PARD3B: variants seen among roughly 807,000 people sequenced by gnomAD.
PARD3B encodes the protein partitioning defective 3 homolog B.
A neutral mutation model predicts 130.2 loss-of-function variants in PARD3B; 103 were observed. That is an observed-to-expected ratio of 0.79 (90% CI 0.67 to 0.93). PARD3B has a LOEUF of 0.93. PARD3B is among the 40% of genes least tolerant of loss of function. The pLI is 0.00. For missense variants in PARD3B, 1,609 were observed against 1,499.2 expected, an observed-to-expected ratio of 1.07 and a Z score of -1.21; for synonymous variants, 583 against 553.2, an observed-to-expected ratio of 1.05 and a Z score of -0.76.
At chr2:205,131,846 A>G (rs1393311778) in intron 10 of PARD3B, among the ~76,000 whole-genome samples, 1 of 152,162 alleles carries the variant, frequency 6.6e-6, no homozygotes, top group Non-Finnish European at 1.5e-5. Context: ...TTGGAGGGGA[A>G]AAAAGATGTT....
At chr2:205,129,594 T>C (rs1317003037) in intron 10 of PARD3B, among the ~76,000 whole-genome samples, 2 of 151,826 alleles carry the variant, frequency 1.3e-5, no homozygotes, top group Non-Finnish European at 2.9e-5. Flanking sequence ...TTCTATCTCC[T>C]TTGAGGAAAA....
chr2:205,069,324 G>A (rs1040771700), intron 4 of PARD3B, among the ~76,000 whole-genome samples: 4 of 151,598 alleles, frequency 2.6e-5, no homozygotes, highest in African/African-American at 9.7e-5. Context: ...TCTCAGTGTG[G>A]TTTTACCATA....
At chr2:205,567,995 A>G (rs1175289110) in intron 22 of PARD3B, among the ~76,000 whole-genome samples, 1 of 152,110 alleles carries the variant, frequency 6.6e-6, no homozygotes, top group Non-Finnish European at 1.5e-5. Context: ...TTTTGGTCCC[A>G]TTTGTCATTG....
intron 3 of PARD3B, among the ~76,000 whole-genome samples, chr2:204,997,480 A>G (rs543904539): frequency 4.6e-5 from 7 of 152,290 alleles, no homozygotes; most frequent in South Asian, 2.1e-4. Context: ...ATCTATTCCT[A>G]AGTACCTGAT....
chr2:205,574,693 A>G (rs1212427404), intron 22 of PARD3B, among the ~76,000 whole-genome samples: 1 of 152,114 alleles, frequency 6.6e-6, no homozygotes, highest in Non-Finnish European at 1.5e-5. Context: ...AGCAGGAGAC[A>G]AAGCCCTTCC....
At chr2:205,224,937 A>G (rs1241739064) in intron 15 of PARD3B, among the ~76,000 whole-genome samples, 1 of 151,962 alleles carries the variant, frequency 6.6e-6, no homozygotes, top group African/African-American at 2.4e-5. Context: ...ATTTTTTATT[A>G]TACTTTAAGT....
chr2:205,071,879 TA>T (rs892441363), intron 4 of PARD3B, among the ~76,000 whole-genome samples: 10 of 151,764 alleles, frequency 6.6e-5, no homozygotes, highest in African/African-American at 2.2e-4. Flanking sequence ...AATTTTATCT[TA>T]AAAAAAACAA....
At chr2:205,504,168 G>A (rs923612672) in intron 21 of PARD3B, among the ~76,000 whole-genome samples, 9 of 152,168 alleles carry the variant, frequency 5.9e-5, no homozygotes, top group Admixed American at 3.9e-4. Context: ...AATAAATGGT[G>A]CTGGGAAAAC....
chr2:205,474,586 A>T (rs1246520855), intron 20 of PARD3B, among the ~76,000 whole-genome samples: 1 of 152,120 alleles, frequency 6.6e-6, no homozygotes, highest in Non-Finnish European at 1.5e-5. Flanking sequence ...GATGTTTCAG[A>T]GTTTTCAGTG....
At chr2:205,485,634 C>A (rs973040537) in intron 20 of PARD3B, among the ~76,000 whole-genome samples, 1 of 152,166 alleles carries the variant, frequency 6.6e-6, no homozygotes, top group Non-Finnish European at 1.5e-5. Flanking sequence ...GCCCTACTTG[C>A]AATTCTTCAG....
chr2:205,227,803 C>T (rs2038636867), intron 15 of PARD3B, among the ~76,000 whole-genome samples: 1 of 151,978 alleles, frequency 6.6e-6, no homozygotes, highest in East Asian at 1.9e-4. Flanking sequence ...CAGTGATTTT[C>T]TCTGGTGGTA....
chr2:204,861,335 T>A (rs1434252890), intron 2 of PARD3B, among the ~76,000 whole-genome samples: 1 of 152,144 alleles, frequency 6.6e-6, no homozygotes, highest in African/African-American at 2.4e-5. Flanking sequence ...TCTAAAATAA[T>A]TAATTTAACA....
chr2:205,407,052 T>G lies in PARD3B; in HGVS notation c.2741+5929T>G, dbSNP rs2046438143. Among the ~76,000 whole-genome samples the G allele has an allele frequency of 6.6e-6, 1 of 152,198 alleles. No homozygotes were observed. The highest frequency in any genetic ancestry group is 2.1e-4 in the South Asian group (1 of 4,828). ...TATTCCAGTATGAGAAATATCTAAA[T>G]ATCTTAAGTATGGAAGCATTTACTT... On this transcript the variant is annotated intron_variant, in intron 19 of 22. Coordinates refer to ENST00000406610, the MANE Select transcript of PARD3B (RefSeq NM_001302769.2). This position sits in a 1 kb window ranked among gnomAD's most constrained non-coding sequence, Gnocchi z 4.1.
In PARD3B at chr2:205,091,709, G is replaced by T. The variant is rs1028195830; in HGVS notation, c.505-12717G>T. 2.0e-5 allele frequency among the ~76,000 whole-genome samples: 3 copies of T among 152,054 alleles called. No homozygotes were observed. The highest frequency in any genetic ancestry group is 2.9e-5 in the Non-Finnish European group (2 of 68,008). On this transcript the variant is annotated intron_variant, in intron 4 of 22. Coordinates refer to ENST00000406610, the MANE Select transcript of PARD3B (RefSeq NM_001302769.2). This position sits in a 1 kb window ranked among gnomAD's most constrained non-coding sequence, Gnocchi z 4.2. ...TAGAGAAAGAATAGCAGTGTGTTTG[G>T]GATCTTGCTGGTGCTCAGTTGAGTT...
At position 205,401,054 on chromosome 2, in the gene PARD3B, A is replaced by G; in HGVS notation, c.2672A>G (p.Gln891Arg). 6.2e-7 allele frequency: 1 copy of G among 1,604,004 alleles called. No homozygotes were observed. Among genetic ancestry groups the G allele is most frequent in the Non-Finnish European group, 8.5e-7 (1 of 1,175,420 alleles). The change falls in exon 19 of 23, where the codon CAG (glutamine) becomes CGG (arginine). Residue 891 changes from glutamine (Q) to arginine (R), a missense_variant. Gln to Arg is a conservative substitution (Grantham distance 43). Transcript: ENST00000406610. ...KKEDKGGKAE[Q>R]KGTLKHGGLR... The stretch of plus-strand genomic sequence containing the variant: ...GAGGATAAGGGTGGAAAGGCTGAGC[A>G]GAAAGGTACTCTGAAACATGGTGGC...
chr2:204,751,884 A>G (rs1237925318), intron 2 of PARD3B, among the ~76,000 whole-genome samples: 5 of 152,178 alleles, frequency 3.3e-5, no homozygotes, highest in African/African-American at 1.2e-4. Flanking sequence ...TTAATATTTC[A>G]TATTATAGAG....
chr2:205,345,524 C>T (rs138179986), intron 18 of PARD3B, among the ~76,000 whole-genome samples: 3,772 of 151,926 alleles, frequency 0.025, 51 homozygotes, highest in South Asian at 0.035. Context: ...CTCAAGGTGC[C>T]ATATTTTGAG....
chr2:205,580,473 A>G (rs1023503024), intron 22 of PARD3B, among the ~76,000 whole-genome samples: 1 of 152,170 alleles, frequency 6.6e-6, no homozygotes, highest in Non-Finnish European at 1.5e-5. Flanking sequence ...ATATTGCTTC[A>G]TGGCTGGGAC....
In PARD3B at chr2:205,005,056, C is replaced by G. The variant is rs200426240; in HGVS notation, c.394+39733C>G. 3.9e-5 allele frequency among the ~76,000 whole-genome samples: 6 copies of G among 151,974 alleles called. No homozygotes were observed. In the East Asian group the frequency reaches 1.2e-3, roughly 29 times the overall value. Reference sequence around the variant, plus strand: ...GTTCTTTTAAATCAAGCTGGTTTTCCTATCTTTTTCTCTCCTGCTTCCTCC... The same window carrying G: ...GTTCTTTTAAATCAAGCTGGTTTTCGTATCTTTTTCTCTCCTGCTTCCTCC... On this transcript the variant is annotated intron_variant, in intron 3 of 22. Coordinates refer to ENST00000406610, the MANE Select transcript of PARD3B (RefSeq NM_001302769.2).
Sources: allele counts gnomAD v4.1 joint callset (sites outside exome capture counted in the v4.1 genomes callset), GRCh38; gene constraint gnomAD v4.1.1; non-coding constraint Gnocchi (gnomAD v3.1); transcripts MANE v1.5; gene names NCBI Gene and HGNC (gene_info 2026-07-23, HGNC 2026-07-21).